GNS: variants seen among roughly 807,000 people sequenced by gnomAD.
The protein encoded by GNS is glucosamine (N-acetyl)-6-sulfatase.
In GNS, 40 loss-of-function variants were observed where a neutral mutation model predicts 69.7. The ratio of observed to expected loss-of-function variants is 0.57; its 90% CI spans 0.45 to 0.75. The LOEUF is 0.75. GNS is among the 30% of genes least tolerant of loss of function. The probability of loss-of-function intolerance (pLI) is 0.00; values close to 1 mark genes in which losing one functional copy is unlikely to be tolerated. For missense variants in GNS, 565 were observed against 685.5 expected, an observed-to-expected ratio of 0.82 and a Z score of 1.96; for synonymous variants, 243 against 251.6, an observed-to-expected ratio of 0.97 and a Z score of 0.32.
chr12:64,723,199 G>A, intron 10 of GNS, 86 bp from the exon 11 acceptor site: 1 of 822,580 alleles, frequency 1.2e-6, no homozygotes, highest in Non-Finnish European at 2.1e-6. Flanking sequence ...AGGGGACCTG[G>A]GAGTCAAAAG....
chr12:64,720,115 T>C lies in GNS; in HGVS notation c.1487A>G (p.Asp496Gly). Residue 496 changes from aspartate (D) to glycine (G), a missense_variant, in exon 13 of 14, where the codon GAC becomes GGC. Asp to Gly is a moderately conservative substitution (Grantham distance 94, BLOSUM62 -1). Coordinates refer to ENST00000258145, the MANE Select transcript of GNS (RefSeq NM_002076.4). ...DQITNIAKTI[D>G]PELLGKMNYR... ...GTTCATCTTTCCTAAAAGCTCTGGG[T>C]CTATGGTTTTAGCAATGTTAGTGAT... The C allele has an allele frequency of 1.2e-6, 2 of 1,606,404 alleles. No homozygotes were observed. Among genetic ancestry groups the C allele is most frequent in the Non-Finnish European group, 1.7e-6 (2 of 1,172,978 alleles).
intron 9 of GNS, among the ~76,000 whole-genome samples, chr12:64,730,778 C>T (rs954958619): frequency 1.3e-5 from 2 of 152,110 alleles, no homozygotes; most frequent in African/African-American, 4.8e-5. Context: ...GAAGAGGTCA[C>T]AGCAGGAAAG....
At chr12:64,727,754 C>A (rs1869253955) in intron 10 of GNS, among the ~76,000 whole-genome samples, 1 of 152,080 alleles carries the variant, frequency 6.6e-6, no homozygotes, top group South Asian at 2.1e-4. Flanking sequence ...CAATTCCCTG[C>A]ACCACAATTT....
intron 9 of GNS, among the ~76,000 whole-genome samples, chr12:64,730,653 C>T (rs574091261): frequency 1.3e-5 from 2 of 152,238 alleles, no homozygotes; most frequent in African/African-American, 2.4e-5. Context: ...ACACAAAAAA[C>T]GATGTCTCCA....
chr12:64,740,103 C>A (rs560908940), intron 7 of GNS, among the ~76,000 whole-genome samples: 2 of 152,182 alleles, frequency 1.3e-5, no homozygotes, highest in African/African-American at 4.8e-5. Flanking sequence ...GACCTGCAAG[C>A]CTATTAATAT....
At chr12:64,753,200 C>T (rs1386595938) in intron 1 of GNS, among the ~76,000 whole-genome samples, 3 of 152,146 alleles carry the variant, frequency 2.0e-5, no homozygotes, top group Non-Finnish European at 4.4e-5. Context: ...TCAAACCTCA[C>T]ACACTCAGTG....
In GNS at chr12:64,715,832, T is replaced by C. The variant is rs753856404; in HGVS notation, c.*909A>G. On this transcript the variant is annotated 3_prime_UTR_variant, in exon 14 of 14. Coordinates refer to ENST00000258145, the MANE Select transcript of GNS (RefSeq NM_002076.4). The stretch of plus-strand genomic sequence containing the variant: ...ATCCCTGGTACAGCCCTTCCACTTG[T>C]CTGTTCAAGAGCCCTGTCTTCAGAA... 1 of 152,232 alleles carries C rather than the reference T, an allele frequency of 6.6e-6. No individual in the cohort carries two copies. The highest frequency in any genetic ancestry group is 1.5e-5 in the Non-Finnish European group (1 of 68,068). The allele number at this position is 152,232 out of a possible 1,614,324, so 9.4% of individuals were successfully genotyped here.
chr12:64,758,221 A>G (rs999334590), intron 1 of GNS, among the ~76,000 whole-genome samples: 34 of 151,440 alleles, frequency 2.2e-4, no homozygotes, highest in African/African-American at 6.5e-4. Flanking sequence ...GTGTTCAATC[A>G]CACTAATTGA....
chr12:64,717,895 T>C (rs1351689083), intron 13 of GNS, among the ~76,000 whole-genome samples: 1 of 152,208 alleles, frequency 6.6e-6, no homozygotes, highest in African/African-American at 2.4e-5. Context: ...GGTTCTGGAA[T>C]AGATCCTCTG....
chr12:64,743,865 T>G (rs1221938045), intron 5 of GNS, among the ~76,000 whole-genome samples: 1 of 152,220 alleles, frequency 6.6e-6, no homozygotes, highest in African/African-American at 2.4e-5. Context: ...TTTATGAAAA[T>G]GAAAGCATGC....
chr12:64,713,694 A>G lies in GNS; in HGVS notation c.*3047T>C, dbSNP rs1316727802. The G allele has an allele frequency of 6.6e-6, 1 of 152,348 alleles. No homozygotes were observed. Among genetic ancestry groups the G allele is most frequent in the Non-Finnish European group, 1.5e-5 (1 of 68,044 alleles). 9.4% of individuals were successfully genotyped at this position (152,348 alleles called of 1,614,324 possible). ...ATTAACTTTTGCTTTCTTTAGGATG[A>G]ATCCTGGGACAACTTTCCTTTAAAA... On this transcript the variant is annotated 3_prime_UTR_variant, in exon 14 of 14. Transcript: ENST00000258145.
Position 64,748,017 on chromosome 12 carries a change from C to T in GNS, c.253-99G>A, listed in dbSNP as rs775823139. 2.2e-4 allele frequency: 164 copies of T among 750,422 alleles called. 1 individual carries two copies. In the African/African-American group the frequency reaches 2.3e-3, roughly 11 times the overall value. 46.5% of individuals were successfully genotyped at this position (750,422 alleles called of 1,614,324 possible). On this transcript the variant is annotated intron_variant, in intron 2 of 13. Coordinates refer to ENST00000258145, the MANE Select transcript of GNS (RefSeq NM_002076.4). ...AAAGAAAAGCTCCTTAATACTCTAA[C>T]TTCAAATATGTAGTTTCTCATGGAA... is the stretch of plus-strand genomic sequence containing the variant.
At chr12:64,748,216 T>C (rs1359364041) in intron 2 of GNS, among the ~76,000 whole-genome samples, 1 of 151,920 alleles carries the variant, frequency 6.6e-6, no homozygotes, top group Non-Finnish European at 1.5e-5. Flanking sequence ...TTTTTTTTTC[T>C]TTTGAGGCGA....
intron 9 of GNS, chr12:64,729,267 T>A: frequency 1.8e-6 from 1 of 554,526 alleles, no homozygotes; most frequent in Non-Finnish European, 3.2e-6. Flanking sequence ...TGTATAATAG[T>A]ATATCCCCCT....
chr12:64,721,903 GGTT>G (rs1869041190), intron 11 of GNS, among the ~76,000 whole-genome samples, 198 bp from the exon 12 acceptor site: 1 of 152,262 alleles, frequency 6.6e-6, no homozygotes, highest in Non-Finnish European at 1.5e-5. Context: ...AAGGTATATG[GGTT>G]GTTCCATTTG....
At chr12:64,724,423 T>C (rs1869128019) in intron 10 of GNS, among the ~76,000 whole-genome samples, 1 of 152,220 alleles carries the variant, frequency 6.6e-6, no homozygotes, top group African/African-American at 2.4e-5. Flanking sequence ...TAACGGCTTG[T>C]GCAAGGCCTT....
chr12:64,734,287 G>T (rs1195001191), intron 9 of GNS, among the ~76,000 whole-genome samples: 1 of 152,170 alleles, frequency 6.6e-6, no homozygotes, highest in East Asian at 1.9e-4. Flanking sequence ...TGTATGTTAG[G>T]GGCTGGATAT....
At chr12:64,728,901 A>C in intron 10 of GNS, 55 bp downstream of exon 10, 1 of 843,028 alleles carries the variant, frequency 1.2e-6, no homozygotes. Flanking sequence ...GTCTTTACAC[A>C]ACCCAGAATT....
rs150055118 is a variant in GNS, at chr12:64,733,044, G to C, written c.1098+3960C>G. On this transcript the variant is annotated intron_variant, in intron 9 of 13. Coordinates refer to ENST00000258145, the MANE Select transcript of GNS (RefSeq NM_002076.4). ...TGGCTCATGCCTGTAATGAGGGGAGGAGGGCTGATTGCTTGAGCCCAGGTG... is the reference window on the plus strand; with the variant it reads ...TGGCTCATGCCTGTAATGAGGGGAGCAGGGCTGATTGCTTGAGCCCAGGTG... Among the ~76,000 whole-genome samples the C allele has an allele frequency of 8.0e-3, 1,210 of 152,062 alleles. 4 individuals are homozygous for C. The highest frequency in any genetic ancestry group is 0.013 in the Non-Finnish European group (902 of 67,980).
Sources: gnomAD v4.1 joint callset for allele counts (sites outside exome capture counted in the v4.1 genomes callset) on GRCh38, gnomAD v4.1.1 for gene constraint, MANE v1.5 for transcripts, NCBI Gene and HGNC (gene_info 2026-07-23, HGNC 2026-07-21) for gene names.